The following NCOR1 variants were observed in gnomAD, a reference collection of about 807,000 sequenced individuals.
NCOR1 encodes the protein protein phosphatase 1, regulatory subunit 109.
NCOR1 carries 63 observed loss-of-function variants against 288.1 expected under a neutral mutation model. The ratio of observed to expected loss-of-function variants is 0.22; its 90% CI spans 0.18 to 0.27. The LOEUF (loss-of-function observed/expected upper bound fraction) is 0.27. Among genes scored for constraint, NCOR1 ranks in the 10% least tolerant of loss-of-function variants. The pLI is 1.00. For synonymous variants in NCOR1, 1,007 were observed against 1,065.9 expected, an observed-to-expected ratio of 0.94 and a Z score of 1.08; for missense variants, 2,397 against 3,019.2, an observed-to-expected ratio of 0.79 and a Z score of 4.83.
Position 16,153,308 on chromosome 17 carries a change from A to C in NCOR1, c.789+31T>G, listed in dbSNP as rs761653900. The C allele has an allele frequency of 6.6e-6, 10 of 1,506,596 alleles. No homozygotes were observed. In the South Asian group the frequency reaches 1.2e-4, roughly 18 times the overall value. 93.3% of individuals were successfully genotyped at this position (1,506,596 alleles called of 1,614,324 possible). On this transcript the variant is annotated intron_variant, in intron 7 of 45. Transcript: ENST00000268712. Reference sequence around the variant, plus strand: ...AAACTACCACCAAAAATTAAAAAAAAAAATCACTGGAAATGAAAAAATTTA... The same window carrying C: ...AAACTACCACCAAAAATTAAAAAAACAAATCACTGGAAATGAAAAAATTTA...
intron 14 of NCOR1, among the ~76,000 whole-genome samples, chr17:16,128,801 A>T (rs2075153138): frequency 6.6e-6 from 1 of 152,200 alleles, no homozygotes; most frequent in Non-Finnish European, 1.5e-5. Flanking sequence ...CTTTTTCCTT[A>T]AGATAATGAA....
intron 18 of NCOR1, among the ~76,000 whole-genome samples, chr17:16,117,562 C>T (rs1216949499): frequency 1.3e-5 from 2 of 150,780 alleles, no homozygotes; most frequent in African/African-American, 4.9e-5. Flanking sequence ...GTGGCTCACA[C>T]CTGTAATCCC....
intron 40 of NCOR1, among the ~76,000 whole-genome samples, chr17:16,052,646 CA>C (rs779672212): frequency 1.1e-4 from 17 of 152,160 alleles, no homozygotes; most frequent in Non-Finnish European, 2.4e-4. Flanking sequence ...TGACCAGACA[CA>C]TTCACTGCTG....
intron 1 of NCOR1, among the ~76,000 whole-genome samples, chr17:16,209,949 A>C (rs1171980899): frequency 1.4e-5 from 2 of 144,752 alleles, no homozygotes; most frequent in Non-Finnish European, 3.0e-5. Context: ...AGACTCTGTC[A>C]AAAAAAAAAA....
intron 41 of NCOR1, among the ~76,000 whole-genome samples, chr17:16,048,114 A>G (rs1384630056): frequency 6.6e-6 from 1 of 152,256 alleles, no homozygotes; most frequent in Non-Finnish European, 1.5e-5. Flanking sequence ...CTTCCCCATT[A>G]GTATCAGTAC....
chr17:16,091,664 G>C, intron 22 of NCOR1, 199 bp downstream of exon 22: 1 of 1,395,686 alleles, frequency 7.2e-7, no homozygotes, highest in Non-Finnish European at 9.3e-7. Flanking sequence ...TATTAAAAAT[G>C]TTACTGGCAT....
At position 16,151,733 on chromosome 17, in the gene NCOR1, A is replaced by C. The variant is rs1290343437; in HGVS notation, c.842+213T>G. 1.8e-6 allele frequency: 2 copies of C among 1,090,888 alleles called. 1 individual carries two copies. Among genetic ancestry groups the C allele is most frequent in the South Asian group, 2.9e-5 (2 of 69,518 alleles). 67.6% of individuals were successfully genotyped at this position (1,090,888 alleles called of 1,614,324 possible). On this transcript the variant is annotated intron_variant, in intron 8 of 45. Coordinates refer to ENST00000268712, the MANE Select transcript of NCOR1 (RefSeq NM_006311.4). ...TAAAACCAGCTAGTTTTATGCAATAATTTATTTCATTTTTTGGCCTCGGAA... is the reference window on the plus strand; with the variant it reads ...TAAAACCAGCTAGTTTTATGCAATACTTTATTTCATTTTTTGGCCTCGGAA...
rs1242287810 is a variant in NCOR1 at position 16,119,582 on chromosome 17, A to T, written c.1853-97T>A. The T allele has an allele frequency of 3.7e-6, 3 of 811,266 alleles. No individual in the cohort carries two copies. The African/African-American group carries it at 5.3e-5, about 14-fold the overall frequency. The allele number at this position is 811,266 out of a possible 1,614,324, so 50.3% of individuals were successfully genotyped here. A position where few individuals can be genotyped will look rare whatever the true frequency, so the allele number is the denominator to read the frequency against. ...ATTATATCTCTTTATCTGACATAAA[A>T]GACTATGTAAAAGCATTTGGTGAAA... On this transcript the variant is annotated intron_variant, in intron 16 of 45. Coordinates refer to ENST00000268712, the MANE Select transcript of NCOR1 (RefSeq NM_006311.4).
At chr17:16,080,853 A>C in intron 23 of NCOR1, 126 bp from the exon 24 acceptor site, 1 of 918,794 alleles carries the variant, frequency 1.1e-6, no homozygotes, top group Non-Finnish European at 1.6e-6. Flanking sequence ...CTTCTACCCA[A>C]AACCAAGAAT....
intron 18 of NCOR1, among the ~76,000 whole-genome samples, chr17:16,117,087 AT>A (rs946617536): frequency 6.6e-6 from 1 of 152,250 alleles, no homozygotes; most frequent in African/African-American, 2.4e-5. Flanking sequence ...GAACTTACTT[AT>A]TAAGGAATTT....
intron 11 of NCOR1, among the ~76,000 whole-genome samples, chr17:16,142,757 G>C (rs2077332649): frequency 6.6e-6 from 1 of 152,138 alleles, no homozygotes; most frequent in Non-Finnish European, 1.5e-5. Context: ...TTTTGGGAAA[G>C]TGAGTGAGGA....
chr17:16,075,702 C>T lies in NCOR1; in HGVS notation c.3502G>A (p.Gly1168Ser). The change falls in exon 27 of 46, where the codon GGC becomes AGC. Residue 1168 changes from glycine to serine, a missense_variant and splice_region_variant. Physicochemically the swap from Gly to Ser is moderately conservative, Grantham distance 56. Around this residue, in one of 11 missense-constraint regions of NCOR1, gnomAD observed 1,872 missense variants for 2,187.8 expected, o/e 0.86. Transcript: ENST00000268712. ...CCAGTCTGGGGCAGAGCCGGGGTGCCCTGCCATCAAATCAAGCATAAATAG... is the reference window on the plus strand; with the variant it reads ...CCAGTCTGGGGCAGAGCCGGGGTGCTCTGCCATCAAATCAAGCATAAATAG... The part of the protein sequence containing the change: ...IPSLRGSITQ[G>S]TPALPQTGIP... 6.2e-7 allele frequency: 1 copy of T among 1,613,892 alleles called. No individual in the cohort carries two copies. Among genetic ancestry groups the T allele is most frequent in the Non-Finnish European group, 8.5e-7 (1 of 1,179,910 alleles).
At chr17:16,163,464 C>T (rs1413358683) in intron 5 of NCOR1, among the ~76,000 whole-genome samples, 5 of 152,026 alleles carry the variant, frequency 3.3e-5, no homozygotes, top group Non-Finnish European at 7.4e-5. Context: ...CAACTAGATA[C>T]CACTTCACAT....
chr17:16,208,206 ATTTTTTTTTTT>A lies in NCOR1; in HGVS notation c.-71+7145_-71+7155del, dbSNP rs757019446. Among the ~76,000 whole-genome samples the A allele has an allele frequency of 7.6e-3, 499 of 65,550 alleles. 6 individuals carry two copies. Among genetic ancestry groups the A allele is most frequent in the African/African-American group, 0.029 (479 of 16,408 alleles). 43.0% of individuals were successfully genotyped at this position (65,550 alleles called of 152,430 possible). ...CAGGCGCGTGCCACCATGCCCAGCTATTTTTTTTTTTTTTTTTTTTTTTTTGTATTTTTAGT... is the reference window on the plus strand; with the variant it reads ...CAGGCGCGTGCCACCATGCCCAGCTATTTTTTTTTTTTTTGTATTTTTAGT... On this transcript the variant is annotated intron_variant, in intron 1 of 45. Coordinates refer to ENST00000268712, the MANE Select transcript of NCOR1 (RefSeq NM_006311.4).
At chr17:16,049,161 A>C (rs2059013846) in intron 40 of NCOR1, 173 bp from the exon 41 acceptor site, 6 of 483,914 alleles carry the variant, frequency 1.2e-5, no homozygotes, top group Non-Finnish European at 1.4e-5. Context: ...AAACAAACAA[A>C]CAACAACAAA....
At chr17:16,074,737 C>G (rs1355577191) in intron 27 of NCOR1, among the ~76,000 whole-genome samples, 1 of 152,088 alleles carries the variant, frequency 6.6e-6, no homozygotes, top group Non-Finnish European at 1.5e-5. Context: ...TTGAGTCATT[C>G]TTATAAAATA....
Position 16,175,383 on chromosome 17 carries a change from A to G in NCOR1, c.243-3388T>C, listed in dbSNP as rs375662905. On this transcript the variant is annotated intron_variant, in intron 3 of 45. Transcript: ENST00000268712. ...AGACTCATTTGTCTTTTAAAAAAAA[A>G]AAAACTCTGTAGGCTTGCAGACTTT... Among the ~76,000 whole-genome samples, 35 of 152,264 alleles carry G rather than the reference A, an allele frequency of 2.3e-4. No individual in the cohort carries two copies. The East Asian group carries it at 6.6e-3, about 29-fold the overall frequency.
At chr17:16,085,990 C>T (rs538422001) in intron 23 of NCOR1, among the ~76,000 whole-genome samples, 86 of 152,248 alleles carry the variant, frequency 5.6e-4, no homozygotes, top group African/African-American at 1.9e-3. Flanking sequence ...AAGTTTAAAA[C>T]TTGGTAAGTT....
intron 21 of NCOR1, among the ~76,000 whole-genome samples, chr17:16,095,184 C>G (rs921657265): frequency 3.3e-5 from 5 of 151,010 alleles, no homozygotes; most frequent in African/African-American, 1.2e-4. Flanking sequence ...GGCCGCCCAT[C>G]GTCTGAGATG....
Sources: allele counts gnomAD v4.1 joint callset (sites outside exome capture counted in the v4.1 genomes callset), GRCh38; gene constraint gnomAD v4.1.1; regional missense constraint gnomAD v4.1.1; transcripts MANE v1.5; gene names NCBI Gene and HGNC (gene_info 2026-07-23, HGNC 2026-07-21).